The following GALNTL6 variants were observed in gnomAD, a reference collection of about 807,000 sequenced individuals.
The protein encoded by GALNTL6 is polypeptide N-acetylgalactosaminyltransferase-like 6.
Under a neutral mutation model 73.7 loss-of-function variants are expected in GALNTL6, and 46 were observed. That is an observed-to-expected ratio of 0.62 (90% CI 0.49 to 0.80). The LOEUF is 0.80. GALNTL6 is among the 30% of genes least tolerant of loss of function. The pLI is 0.00. For missense variants in GALNTL6, 604 were observed against 755.0 expected, an observed-to-expected ratio of 0.80 and a Z score of 2.34; for synonymous variants, 259 against 263.7, an observed-to-expected ratio of 0.98 and a Z score of 0.17.
intron 4 of GALNTL6, among the ~76,000 whole-genome samples, chr4:172,336,029 G>A (rs1319990427): frequency 6.6e-6 from 1 of 151,970 alleles, no homozygotes; most frequent in Non-Finnish European, 1.5e-5. Flanking sequence ...TCCTCTATGT[G>A]TGATGTTACA....
At chr4:171,889,354 G>C (rs1736695453) in intron 2 of GALNTL6, among the ~76,000 whole-genome samples, 2 of 152,100 alleles carry the variant, frequency 1.3e-5, no homozygotes, top group Non-Finnish European at 2.9e-5. Context: ...CATTGACCTG[G>C]TTGTATAATC....
At chr4:172,968,999 A>C (rs1057425707) in intron 10 of GALNTL6, among the ~76,000 whole-genome samples, 1 of 152,166 alleles carries the variant, frequency 6.6e-6, no homozygotes, top group African/African-American at 2.4e-5. Context: ...AGTGGCTATA[A>C]AGAAGATGAA....
At chr4:172,522,681 A>ACCCC (rs1734823959) in intron 5 of GALNTL6, among the ~76,000 whole-genome samples, 2 of 119,210 alleles carry the variant, frequency 1.7e-5, no homozygotes, top group African/African-American at 9.2e-5. Flanking sequence ...CCCCCCCCAA[A>ACCCC]AAAAAAGTGT....
intron 2 of GALNTL6, among the ~76,000 whole-genome samples, chr4:171,963,348 A>T (rs967411675): frequency 2.0e-5 from 3 of 151,800 alleles, no homozygotes; most frequent in African/African-American, 7.3e-5. Flanking sequence ...ATATATTTAT[A>T]GAAGGATTAT....
At chr4:172,740,597 T>A (rs2110735480) in intron 5 of GALNTL6, among the ~76,000 whole-genome samples, 1 of 152,324 alleles carries the variant, frequency 6.6e-6, no homozygotes, top group South Asian at 2.1e-4. Context: ...ACAAAGCAAC[T>A]CTCTCATATT....
At chr4:172,236,403 TAAA>T (rs1579286812) in intron 3 of GALNTL6, among the ~76,000 whole-genome samples, 1 of 151,582 alleles carries the variant, frequency 6.6e-6, no homozygotes, top group Non-Finnish European at 1.5e-5. Context: ...ACTAAAAATG[TAAA>T]AAAATTAGCC....
At chr4:172,779,800 G>A (rs1213209663) in intron 5 of GALNTL6, among the ~76,000 whole-genome samples, 1 of 152,160 alleles carries the variant, frequency 6.6e-6, no homozygotes, top group Non-Finnish European at 1.5e-5. Context: ...ATCTCTGAGT[G>A]GTCATTTGTA....
chr4:172,180,303 A>G (rs1297060577), intron 2 of GALNTL6, among the ~76,000 whole-genome samples: 1 of 151,678 alleles, frequency 6.6e-6, no homozygotes, highest in Non-Finnish European at 1.5e-5. Context: ...GTTTGTTTTT[A>G]TCTTGTAAAT....
chr4:171,823,181 A>G (rs181455110), intron 2 of GALNTL6, among the ~76,000 whole-genome samples: 13 of 152,194 alleles, frequency 8.5e-5, no homozygotes, highest in Non-Finnish European at 1.8e-4. Flanking sequence ...AAATAAAATT[A>G]TACTAGATTA....
intron 10 of GALNTL6, among the ~76,000 whole-genome samples, chr4:172,978,285 C>T (rs1343581702): frequency 1.3e-5 from 2 of 152,120 alleles, no homozygotes; most frequent in Non-Finnish European, 1.5e-5. Flanking sequence ...TATAGTCCCA[C>T]GGTTGCCGAG....
chr4:172,049,845 A>G (rs1444758171), intron 2 of GALNTL6, among the ~76,000 whole-genome samples: 3 of 152,056 alleles, frequency 2.0e-5, no homozygotes, highest in Non-Finnish European at 4.4e-5. Context: ...TTAGCCTGGC[A>G]TGGTGGCAGG....
At chr4:171,996,116 C>G (rs1041684636) in intron 2 of GALNTL6, among the ~76,000 whole-genome samples, 1 of 152,018 alleles carries the variant, frequency 6.6e-6, no homozygotes, top group Non-Finnish European at 1.5e-5. Context: ...TTCTTGAATC[C>G]GTACACTTAA....
chr4:172,406,182 CTTAT>C (rs926886269), intron 5 of GALNTL6, among the ~76,000 whole-genome samples: 20 of 151,752 alleles, frequency 1.3e-4, no homozygotes, highest in Non-Finnish European at 2.1e-4. Context: ...TGTTTATTTA[CTTAT>C]TTATTTATTT....
rs576504319 is a variant in GALNTL6, at chr4:171,917,101, C to T, written c.138+102383C>T. ...GATTCACATTTCTGGCTCAAACTTCCCAGGATGAGTCTGTCACTCTTAGAA... is the reference window on the plus strand; with the variant it reads ...GATTCACATTTCTGGCTCAAACTTCTCAGGATGAGTCTGTCACTCTTAGAA... On this transcript the variant is annotated intron_variant, in intron 2 of 12. Transcript: ENST00000506823. 3.3e-5 allele frequency among the ~76,000 whole-genome samples: 5 copies of T among 152,128 alleles called. 1 individual carries two copies. The South Asian group carries it at 1.0e-3, about 32-fold the overall frequency.
chr4:172,731,778 T>G (rs1022727144), intron 5 of GALNTL6, among the ~76,000 whole-genome samples: 4 of 152,122 alleles, frequency 2.6e-5, no homozygotes, highest in Admixed American at 2.6e-4. Flanking sequence ...AAAATTTCCT[T>G]CTTAATTTTA....
intron 5 of GALNTL6, among the ~76,000 whole-genome samples, chr4:172,486,192 A>G (rs2111492188): frequency 6.6e-6 from 1 of 152,286 alleles, no homozygotes; most frequent in East Asian, 1.9e-4. Context: ...GAAGGCTCCC[A>G]GCAACAAGGG....
chr4:172,644,212 A>G (rs772645190), intron 5 of GALNTL6, among the ~76,000 whole-genome samples: 90 of 151,882 alleles, frequency 5.9e-4, no homozygotes, highest in Non-Finnish European at 9.1e-4. Context: ...GTGTATGTAC[A>G]TACACACATA....
chr4:172,815,758 C>T (rs1280057329), intron 7 of GALNTL6, among the ~76,000 whole-genome samples: 1 of 152,050 alleles, frequency 6.6e-6, no homozygotes, highest in East Asian at 1.9e-4. Flanking sequence ...TGTTTCTGTC[C>T]CCTACGTAGG....
At chr4:172,270,758 A>ATAGATAGATAGATAGATGATAGC (rs1738617939) in intron 3 of GALNTL6, among the ~76,000 whole-genome samples, 1 of 152,114 alleles carries the variant, frequency 6.6e-6, no homozygotes, top group African/African-American at 2.4e-5. Context: ...TAGATGATAG[A>ATAGATAGATAGATAGATGATAGC]TAGTAGATAG....
Sources: allele counts gnomAD v4.1 joint callset (sites outside exome capture counted in the v4.1 genomes callset), GRCh38; gene constraint gnomAD v4.1.1; transcripts MANE v1.5; gene names NCBI Gene and HGNC (gene_info 2026-07-23, HGNC 2026-07-21).